Variants in CACNA2D1 observed in about 807,000 individuals in gnomAD.
CACNA2D1 encodes the protein calcium voltage-gated channel auxiliary subunit alpha2delta 1, also known as voltage-dependent calcium channel subunit alpha-2/delta-1.
CACNA2D1 carries 53 observed loss-of-function variants against 171.5 expected under a neutral mutation model. The observed-to-expected ratio is 0.31, with a 90% CI of 0.25 to 0.39. CACNA2D1 has a LOEUF of 0.39. CACNA2D1 is among the 10% of genes least tolerant of loss of function. CACNA2D1 has a pLI of 1.00. For missense variants in CACNA2D1, 903 were observed against 1,299.8 expected, an observed-to-expected ratio of 0.69 and a Z score of 4.69; for synonymous variants, 442 against 443.1, an observed-to-expected ratio of 1.00 and a Z score of 0.03.
At chr7:82,096,960 C>T (rs1336953048) in intron 6 of CACNA2D1, among the ~76,000 whole-genome samples, 1 of 152,052 alleles carries the variant, frequency 6.6e-6, no homozygotes, top group Non-Finnish European at 1.5e-5. Flanking sequence ...TTTTGCTTTG[C>T]ATAACAGACC....
chr7:82,041,195 A>G (rs184594700), intron 10 of CACNA2D1, among the ~76,000 whole-genome samples: 1 of 152,190 alleles, frequency 6.6e-6, no homozygotes, highest in East Asian at 1.9e-4. Flanking sequence ...TCTATTTTAA[A>G]GCTAGGGGTC....
intron 10 of CACNA2D1, among the ~76,000 whole-genome samples, chr7:82,049,730 A>T (rs1584539785): frequency 6.6e-6 from 1 of 152,270 alleles, no homozygotes; most frequent in South Asian, 2.1e-4. Flanking sequence ...CAAGGCTCAG[A>T]CTGCTTGGCT....
chr7:82,026,653 T>A (rs1051221176), intron 12 of CACNA2D1, among the ~76,000 whole-genome samples: 1 of 151,738 alleles, frequency 6.6e-6, no homozygotes, highest in Non-Finnish European at 1.5e-5. Context: ...GTTATTAATA[T>A]CTGTGGGCTG....
intron 3 of CACNA2D1, among the ~76,000 whole-genome samples, chr7:82,181,042 T>TA: frequency 1.0e-4 from 3 of 29,020 alleles, no homozygotes; most frequent in African/African-American, 4.7e-4. Flanking sequence ...GCATGTCGGA[T>TA]TTTTTTTTTT....
At chr7:82,197,485 A>G (rs1384047252) in intron 3 of CACNA2D1, among the ~76,000 whole-genome samples, 1 of 152,108 alleles carries the variant, frequency 6.6e-6, no homozygotes, top group Non-Finnish European at 1.5e-5. Flanking sequence ...ACTAGAATTG[A>G]CAGGCATATA....
chr7:82,104,116 CTAAT>C (rs948411991), intron 6 of CACNA2D1, among the ~76,000 whole-genome samples: 24 of 152,070 alleles, frequency 1.6e-4, no homozygotes, highest in East Asian at 5.8e-4. Context: ...TGAAAAGAAT[CTAAT>C]TAATTAAATT....
chr7:82,060,191 T>A (rs867789082), intron 10 of CACNA2D1, among the ~76,000 whole-genome samples: 715 of 12,918 alleles, frequency 0.055, 76 homozygotes, highest in African/African-American at 0.16. Context: ...ATATATATAT[T>A]ATATATATAT....
chr7:82,224,080 C>G (rs1034556759), intron 3 of CACNA2D1, among the ~76,000 whole-genome samples: 1 of 152,148 alleles, frequency 6.6e-6, no homozygotes, highest in African/African-American at 2.4e-5. Flanking sequence ...CTTCTTTATC[C>G]TCTCAGCCTC....
At chr7:82,196,939 A>G (rs574063321) in intron 3 of CACNA2D1, among the ~76,000 whole-genome samples, 1 of 152,042 alleles carries the variant, frequency 6.6e-6, no homozygotes, top group East Asian at 1.9e-4. Flanking sequence ...TGAGCAAGGG[A>G]ATTATCTAAG....
At chr7:82,159,787 C>T (rs1794747171) in intron 4 of CACNA2D1, among the ~76,000 whole-genome samples, 1 of 117,362 alleles carries the variant, frequency 8.5e-6, no homozygotes, top group Non-Finnish European at 1.8e-5. Flanking sequence ...ATGAAAAGGA[C>T]ATTATTAGTG....
At chr7:82,022,166 C>G (rs1177446838) in intron 12 of CACNA2D1, among the ~76,000 whole-genome samples, 1 of 151,432 alleles carries the variant, frequency 6.6e-6, no homozygotes, top group South Asian at 2.1e-4. Context: ...GAGGGACTGA[C>G]AACACTAATT....
intron 3 of CACNA2D1, among the ~76,000 whole-genome samples, chr7:82,293,764 TA>T (rs1403449498): frequency 6.6e-6 from 1 of 152,232 alleles, no homozygotes; most frequent in African/African-American, 2.4e-5. Context: ...TAATTTATTT[TA>T]AACACTTTCA....
chr7:82,381,456 C>A (rs948720971), intron 1 of CACNA2D1, among the ~76,000 whole-genome samples: 8 of 151,904 alleles, frequency 5.3e-5, no homozygotes, highest in Admixed American at 3.9e-4. Context: ...TTATGAAAGA[C>A]AGTTTAAAAG....
At chr7:82,059,938 T>G (rs7791523) in intron 10 of CACNA2D1, among the ~76,000 whole-genome samples, 92,710 of 93,806 alleles carry the variant, frequency 0.99, 45,816 homozygotes, top group South Asian at 1. Flanking sequence ...TAGGTGGGAA[T>G]TGAACAATGA....
At chr7:82,218,869 G>A (rs561707630) in intron 3 of CACNA2D1, among the ~76,000 whole-genome samples, 1 of 150,578 alleles carries the variant, frequency 6.6e-6, no homozygotes, top group Non-Finnish European at 1.5e-5. Flanking sequence ...AAATAGTTAT[G>A]TATTTTCATT....
chr7:82,357,084 G>A (rs1222466351), intron 1 of CACNA2D1, among the ~76,000 whole-genome samples: 2 of 151,922 alleles, frequency 1.3e-5, no homozygotes, highest in Non-Finnish European at 2.9e-5. Flanking sequence ...TCACTTTATT[G>A]TACAGAAACA....
chr7:82,141,417 AAGG>A (rs1371209073), intron 4 of CACNA2D1, among the ~76,000 whole-genome samples: 1 of 152,202 alleles, frequency 6.6e-6, no homozygotes, highest in Non-Finnish European at 1.5e-5. Context: ...GGTAAAATTA[AAGG>A]AGAAGAGGAA....
chr7:82,298,501 C>T (rs1012870052), intron 3 of CACNA2D1, among the ~76,000 whole-genome samples: 1 of 151,882 alleles, frequency 6.6e-6, no homozygotes, highest in African/African-American at 2.4e-5. Context: ...GAATAAGTTT[C>T]CTTTCTTTAC....
intron 5 of CACNA2D1, among the ~76,000 whole-genome samples, chr7:82,118,056 G>A (rs1789287196): frequency 2.0e-5 from 3 of 152,148 alleles, no homozygotes; most frequent in South Asian, 4.2e-4. Flanking sequence ...AGTATGCTAG[G>A]AAAGAAGCGA....
Sources: gnomAD v4.1 joint callset for allele counts (sites outside exome capture counted in the v4.1 genomes callset) on GRCh38, gnomAD v4.1.1 for gene constraint, MANE v1.5 for transcripts, NCBI Gene and HGNC (gene_info 2026-07-23, HGNC 2026-07-21) for gene names.